GLYATL2: variants seen among roughly 807,000 people sequenced by gnomAD.
GLYATL2 encodes glycine-N-acyltransferase like 2.
A neutral mutation model predicts 21.4 loss-of-function variants in GLYATL2; 25 were observed. That is an observed-to-expected ratio of 1.17 (90% CI 0.85 to 1.63). The LOEUF (loss-of-function observed/expected upper bound fraction) is 1.63, where lower values mean the gene tolerates loss of function less well. GLYATL2 is among the 40% of genes most tolerant of loss of function. The pLI is 0.00. For synonymous variants in GLYATL2, 114 were observed against 118.2 expected (o/e 0.96, Z 0.23); for missense variants, 361 against 343.3 (o/e 1.05, Z -0.41).
chr11:58,875,215 C>T (rs1790753986), intron 1 of GLYATL2, among the ~76,000 whole-genome samples: 1 of 152,290 alleles, frequency 6.6e-6, no homozygotes, highest in Admixed American at 6.5e-5. Flanking sequence ...CTGAATACAG[C>T]ACACTGATGG....
intron 1 of GLYATL2, among the ~76,000 whole-genome samples, chr11:58,850,629 C>A (rs1451391950): frequency 6.6e-6 from 1 of 151,996 alleles, no homozygotes; most frequent in Non-Finnish European, 1.5e-5. Context: ...TAGATGGCTC[C>A]TTGGTCTAGC....
At chr11:58,835,656 G>C (rs184485861) in intron 5 of GLYATL2, among the ~76,000 whole-genome samples, 1 of 152,120 alleles carries the variant, frequency 6.6e-6, no homozygotes, top group Non-Finnish European at 1.5e-5. Context: ...TTCTACGGGC[G>C]ATGCTTTGTT....
chr11:58,869,315 T>C (rs1467127259), intron 1 of GLYATL2, among the ~76,000 whole-genome samples: 2 of 152,206 alleles, frequency 1.3e-5, no homozygotes, highest in Non-Finnish European at 2.9e-5. Flanking sequence ...AAGTGGGTTT[T>C]TGTGCTGCTG....
chr11:58,882,139 C>G (rs931506762), intron 1 of GLYATL2, among the ~76,000 whole-genome samples: 1 of 152,178 alleles, frequency 6.6e-6, no homozygotes, highest in African/African-American at 2.4e-5. Flanking sequence ...AGTTCTAGAT[C>G]CCTGAGGAAT....
upstream of GLYATL2, among the ~76,000 whole-genome samples, chr11:58,848,168 A>C (rs1289132842): frequency 1.3e-5 from 2 of 152,108 alleles, no homozygotes; most frequent in Non-Finnish European, 2.9e-5. Flanking sequence ...TGAAGTAGAG[A>C]CAGCTTAAAT....
At chr11:58,888,903 C>G (rs1854489928) in intron 1 of GLYATL2, among the ~76,000 whole-genome samples, 1 of 151,812 alleles carries the variant, frequency 6.6e-6, no homozygotes, top group Admixed American at 6.6e-5. Context: ...TTCCAGTTCC[C>G]CACCAACTAC....
upstream of GLYATL2, chr11:58,907,363 T>C (rs998279162): frequency 2.2e-6 from 1 of 456,220 alleles, no homozygotes; most frequent in African/African-American, 2.0e-5. Flanking sequence ...TGGCCTGGAA[T>C]CCCTCACGGT....
At chr11:58,907,927 C>CTT (rs1359271150), upstream of GLYATL2, 2 of 153,108 alleles carry the variant, frequency 1.3e-5, no homozygotes, top group Non-Finnish European at 2.9e-5. Context: ...GTTTTCTAGT[C>CTT]GGATTTTGGG....
upstream of GLYATL2, chr11:58,907,201 A>G (rs1363358899): frequency 2.2e-6 from 1 of 455,198 alleles, no homozygotes; most frequent in Non-Finnish European, 4.4e-6. Flanking sequence ...ACCTCTTCAT[A>G]TATCCTGAGT....
intron 1 of GLYATL2, among the ~76,000 whole-genome samples, chr11:58,866,824 T>C (rs1051529255): frequency 6.7e-6 from 1 of 149,186 alleles, no homozygotes. Flanking sequence ...AGGGTGATTC[T>C]TTGACCTTTA....
intron 1 of GLYATL2, among the ~76,000 whole-genome samples, chr11:58,851,586 G>A (rs931333723): frequency 1.3e-5 from 2 of 152,110 alleles, no homozygotes; most frequent in African/African-American, 2.4e-5. Flanking sequence ...AAAAAAGATA[G>A]ACAATTGAGT....
At position 58,837,289 on chromosome 11, in the gene GLYATL2, G is replaced by C. The variant is rs1853452616; in HGVS notation, c.295C>G (p.Gln99Glu). The change falls in exon 4 of 6, where the codon CAA (glutamine) becomes GAA (glutamate). Residue 99 changes from glutamine (Q) to glutamate (E), a missense_variant. By Grantham distance (29) the Gln-to-Glu change is conservative. Coordinates refer to ENST00000287275, the MANE Select transcript of GLYATL2 (RefSeq NM_145016.4). ...LSYSNVISWE[Q>E]TLQIQGCQEG... The stretch of plus-strand genomic sequence containing the variant: ...TAGTTACCTTGGATCTGCAAAGTTT[G>C]CTCCCAGCTGATTACATTGGAGTAT... 6.2e-7 allele frequency: 1 copy of C among 1,613,756 alleles called. No individual in the cohort carries two copies. Among genetic ancestry groups the C allele is most frequent in the African/African-American group, 1.3e-5 (1 of 74,924 alleles).
At chr11:58,905,406 C>T (rs1258370391), upstream of GLYATL2, 3 of 448,380 alleles carry the variant, frequency 6.7e-6, no homozygotes, top group Non-Finnish European at 9.0e-6. Context: ...ATGCACGTCC[C>T]GCCACCGCCG....
chr11:58,860,506 C>T (rs1293981105), intron 1 of GLYATL2, among the ~76,000 whole-genome samples: 2 of 152,042 alleles, frequency 1.3e-5, no homozygotes, highest in Non-Finnish European at 1.5e-5. Flanking sequence ...TTGCTGCAGT[C>T]TTTAGGATGT....
chr11:58,852,894 T>G (rs963872543), intron 1 of GLYATL2, among the ~76,000 whole-genome samples: 1 of 152,224 alleles, frequency 6.6e-6, no homozygotes. Context: ...AGTGCTAAGG[T>G]CTTTCCTCAA....
In GLYATL2 at chr11:58,864,472, T is replaced by C. The variant is rs573297132; in HGVS notation, n.61-26104A>G. Among the ~76,000 whole-genome samples, 56 of 149,234 alleles carry C rather than the reference T, an allele frequency of 3.8e-4. 1 individual carries two copies. The highest frequency in any genetic ancestry group is 1.3e-3 in the African/African-American group (53 of 41,378). Reference sequence around the variant, plus strand: ...GGTACCAGCCTGGAGTGTGGGGCCATAGGGGCATACCTATTACTGTATTTC... The same window carrying C: ...GGTACCAGCCTGGAGTGTGGGGCCACAGGGGCATACCTATTACTGTATTTC... On this transcript the variant is annotated intron_variant and non_coding_transcript_variant, in intron 1 of 4. Coordinates refer to the GLYATL2 transcript ENST00000533636.
intron 1 of GLYATL2, among the ~76,000 whole-genome samples, chr11:58,898,303 C>A (rs1394125235): frequency 6.6e-6 from 1 of 152,106 alleles, no homozygotes. Flanking sequence ...CCCCTGAGAC[C>A]AATCTCTGGC....
chr11:58,889,328 G>A (rs1854499675), intron 1 of GLYATL2, among the ~76,000 whole-genome samples: 2 of 151,740 alleles, frequency 1.3e-5, no homozygotes, highest in Non-Finnish European at 2.9e-5. Flanking sequence ...ACGTAATACT[G>A]TACTCTGCAA....
chr11:58,891,859 G>C (rs781181381), intron 1 of GLYATL2, among the ~76,000 whole-genome samples: 36 of 152,314 alleles, frequency 2.4e-4, no homozygotes, highest in Admixed American at 3.3e-4. Flanking sequence ...TGTGCTGGGT[G>C]CTCGGTGATG....
Sources: gnomAD v4.1 joint callset for allele counts (sites outside exome capture counted in the v4.1 genomes callset) on GRCh38, gnomAD v4.1.1 for gene constraint, MANE v1.5 for transcripts, NCBI Gene and HGNC (gene_info 2026-07-23, HGNC 2026-07-21) for gene names.